Variants in FRAS1 observed in about 807,000 individuals in gnomAD.
FRAS1 encodes extracellular matrix organizing protein FRAS1.
In FRAS1, 290 loss-of-function variants were observed where a neutral mutation model predicts 435.2. The observed-to-expected ratio is 0.67, with a 90% CI of 0.61 to 0.73. The LOEUF (loss-of-function observed/expected upper bound fraction) is 0.73. Among genes scored for constraint, FRAS1 ranks in the 30% least tolerant of loss-of-function variants. The pLI is 0.00. For missense variants in FRAS1, 4,860 were observed against 5,001.5 expected (o/e 0.97, Z 0.85); for synonymous variants, 1,800 against 1,851.0 (o/e 0.97, Z 0.71).
At chr4:78,161,312 A>G (rs1560556882) in intron 2 of FRAS1, among the ~76,000 whole-genome samples, 1 of 152,150 alleles carries the variant, frequency 6.6e-6, no homozygotes. Flanking sequence ...ACCCTACTTT[A>G]TTGTTTTGTA....
At chr4:78,471,439 C>G (rs1396791955) in intron 51 of FRAS1, among the ~76,000 whole-genome samples, 1 of 151,888 alleles carries the variant, frequency 6.6e-6, no homozygotes, top group Non-Finnish European at 1.5e-5. Context: ...CTTTTTTCCC[C>G]ACCTTATTTA....
intron 37 of FRAS1, among the ~76,000 whole-genome samples, chr4:78,430,639 G>A (rs1734178337): frequency 6.6e-6 from 1 of 152,024 alleles, no homozygotes. Context: ...TGAACCCTGT[G>A]AAACCAGTTC....
intron 3 of FRAS1, among the ~76,000 whole-genome samples, chr4:78,243,974 A>G (rs981151787): frequency 7.2e-5 from 11 of 152,116 alleles, no homozygotes; most frequent in African/African-American, 2.7e-4. Context: ...GTGTAGTTTT[A>G]TCTTGGGGTT....
intron 2 of FRAS1, among the ~76,000 whole-genome samples, chr4:78,187,356 T>A (rs968848466): frequency 1.7e-4 from 26 of 152,134 alleles, no homozygotes; most frequent in African/African-American, 6.3e-4. Flanking sequence ...AGATGATGAT[T>A]CATAGACCCC....
chr4:78,215,001 G>C (rs1041356136), intron 2 of FRAS1, among the ~76,000 whole-genome samples: 1 of 152,104 alleles, frequency 6.6e-6, no homozygotes, highest in African/African-American at 2.4e-5. Context: ...CAGTCAATCA[G>C]GGGCCAATCA....
At chr4:78,358,926 CATTTA>C (rs1730968325) in intron 20 of FRAS1, among the ~76,000 whole-genome samples, 4 of 152,226 alleles carry the variant, frequency 2.6e-5, no homozygotes, top group Admixed American at 1.3e-4. Flanking sequence ...ATAGTGTCCA[CATTTA>C]ATTTAATCTA....
At chr4:78,473,733 T>C (rs1719781228) in intron 53 of FRAS1, 136 bp downstream of exon 53, 1 of 591,956 alleles carries the variant, frequency 1.7e-6, no homozygotes, top group African/African-American at 1.9e-5. Flanking sequence ...ATAAAAGTAA[T>C]AATTTCACCA....
chr4:78,308,866 A>G (rs1231869182), intron 15 of FRAS1, among the ~76,000 whole-genome samples: 1 of 152,190 alleles, frequency 6.6e-6, no homozygotes, highest in South Asian at 2.1e-4. Flanking sequence ...TAATAGTAGC[A>G]CCTGTGGAAG....
intron 2 of FRAS1, among the ~76,000 whole-genome samples, chr4:78,083,570 G>GA (rs945751396): frequency 1.8e-4 from 25 of 137,408 alleles, no homozygotes; most frequent in African/African-American, 6.0e-4. Context: ...TCTTAGTTAA[G>GA]AAAAAAATAC....
chr4:78,316,719 CAG>C (rs1729270895), intron 16 of FRAS1, among the ~76,000 whole-genome samples: 1 of 152,196 alleles, frequency 6.6e-6, no homozygotes, highest in African/African-American at 2.4e-5. Context: ...ATGTTGTGGT[CAG>C]AGTCATTACT....
At chr4:78,404,179 G>A (rs1254133312) in intron 30 of FRAS1, among the ~76,000 whole-genome samples, 4 of 152,038 alleles carry the variant, frequency 2.6e-5, no homozygotes, top group Non-Finnish European at 5.9e-5. Flanking sequence ...TGTAAGATAC[G>A]TTCATATGAA....
rs192454581 is a variant in FRAS1 at position 78,374,768 on chromosome 4, T to A, written c.3151+517T>A. ...AGAGAGTTTTATCAGTTTGTTCTCATCATATCTATCAAAACTTGGTTCGTA... is the reference window on the plus strand; with the variant it reads ...AGAGAGTTTTATCAGTTTGTTCTCAACATATCTATCAAAACTTGGTTCGTA... On this transcript the variant is annotated intron_variant, in intron 25 of 73. Transcript: ENST00000512123. Among the ~76,000 whole-genome samples the A allele has an allele frequency of 1.9e-3, 295 of 152,338 alleles. 3 individuals are homozygous for A. Among genetic ancestry groups the A allele is most frequent in the African/African-American group, 6.3e-3 (263 of 41,580 alleles).
chr4:78,293,501 A>C (rs190167415), intron 14 of FRAS1, among the ~76,000 whole-genome samples: 2 of 151,954 alleles, frequency 1.3e-5, no homozygotes, highest in Non-Finnish European at 2.9e-5. Context: ...CAGACTCTCT[A>C]TTTTTCTCAC....
At chr4:78,429,038 G>A (rs866137884) in intron 35 of FRAS1, 57 bp from the exon 36 acceptor site, 1 of 1,465,878 alleles carries the variant, frequency 6.8e-7, no homozygotes, top group Non-Finnish European at 9.2e-7. Flanking sequence ...GTGTGTGTGT[G>A]CGTGTCTCTG....
At chr4:78,060,341 A>G (rs1739701047) in intron 1 of FRAS1, among the ~76,000 whole-genome samples, 1 of 152,310 alleles carries the variant, frequency 6.6e-6, no homozygotes, top group East Asian at 1.9e-4. Context: ...CTAGAGAATA[A>G]TTTTTAAAAA....
chr4:78,536,588 GAGGACTTGGTACAGTACC>G (rs1721889795), intron 71 of FRAS1, among the ~76,000 whole-genome samples: 1 of 152,134 alleles, frequency 6.6e-6, no homozygotes, highest in Non-Finnish European at 1.5e-5. Flanking sequence ...TATTACATGA[GAGGACTTGGTACAGTACC>G]TGGAAAATAG....
intron 30 of FRAS1, among the ~76,000 whole-genome samples, chr4:78,407,281 A>G (rs116782433): frequency 5.6e-4 from 86 of 152,340 alleles, no homozygotes; most frequent in African/African-American, 1.9e-3. Context: ...CTGGCTGGAA[A>G]ACATTTTCTG....
At position 78,432,480 on chromosome 4, in the gene FRAS1, A is replaced by G. The variant is rs1182546769; in HGVS notation, c.5093A>G (p.Glu1698Gly). 1 of 1,613,336 alleles carries G rather than the reference A, an allele frequency of 6.2e-7. No homozygotes were observed. The highest frequency in any genetic ancestry group is 8.5e-7 in the Non-Finnish European group (1 of 1,179,640). ...GATGGCCTCACAGTGACAATGCTGG[A>G]GGTGAGAGTAGAGGTGTCCCTGTCA... ...VTDGLTVTML[E>G]VRVEVSLSED... The change falls in exon 38 of 74, where the codon GAG (glutamate) becomes GGG (glycine). Residue 1698 changes from glutamate to glycine, a missense_variant. Glu to Gly is a moderately conservative substitution (Grantham distance 98). Coordinates refer to ENST00000512123, the MANE Select transcript of FRAS1 (RefSeq NM_025074.7).
chr4:78,367,084 C>A (rs345542), intron 22 of FRAS1, among the ~76,000 whole-genome samples: 122,627 of 152,072 alleles, frequency 0.81, 50,169 homozygotes, highest in African/African-American at 0.94. Context: ...GTATACATCA[C>A]GGTTCCACGG....
Sources: gnomAD v4.1 joint callset for allele counts (sites outside exome capture counted in the v4.1 genomes callset) on GRCh38, gnomAD v4.1.1 for gene constraint, MANE v1.5 for transcripts, NCBI Gene and HGNC (gene_info 2026-07-23, HGNC 2026-07-21) for gene names.